ZCCHC24: variants seen among roughly 807,000 people sequenced by gnomAD.
The protein encoded by ZCCHC24 is zinc finger CCHC domain-containing protein 24.
ZCCHC24 carries 10 observed loss-of-function variants against 26.2 expected under a neutral mutation model. The observed-to-expected ratio is 0.38, with a 90% CI of 0.24 to 0.65. The LOEUF (loss-of-function observed/expected upper bound fraction) is 0.65, where lower values mean the gene tolerates loss of function less well. Ranked by LOEUF, ZCCHC24 falls within the 30% of genes least tolerant of loss-of-function variation. The pLI is 0.54. For synonymous variants in ZCCHC24, 144 were observed against 147.1 expected (o/e 0.98, Z 0.15); for missense variants, 243 against 329.1 (o/e 0.74, Z 2.03).
chr10:79,427,925 AAAG>A (rs1478368044), intron 2 of ZCCHC24, among the ~76,000 whole-genome samples: 9 of 152,332 alleles, frequency 5.9e-5, no homozygotes, highest in Non-Finnish European at 1.2e-4. Context: ...AAGGAAAAGA[AAAG>A]AAGGATATAA....
intron 2 of ZCCHC24, among the ~76,000 whole-genome samples, chr10:79,399,099 T>C (rs1407370109): frequency 6.6e-6 from 1 of 152,112 alleles, no homozygotes; most frequent in Admixed American, 6.5e-5. Context: ...CAGTCCAGTG[T>C]CAGGCCTTGG....
rs61859930 is a variant in ZCCHC24 at position 79,386,022 on chromosome 10, G to A, written c.*323C>T. ...ATACAAGGCTGCTCACCCCAAAGAG[G>A]CTCTCAGAGGCGAGCCTGTGGGGAC... On this transcript the variant is annotated 3_prime_UTR_variant, in exon 4 of 4. Transcript: ENST00000372336. The A allele has an allele frequency of 1.9e-6, 1 of 514,162 alleles. No homozygotes were observed. The highest frequency in any genetic ancestry group is 2.9e-5 in the East Asian group (1 of 35,020). 31.8% of individuals were successfully genotyped at this position (514,162 alleles called of 1,614,324 possible).
intron 2 of ZCCHC24, among the ~76,000 whole-genome samples, chr10:79,430,755 T>C (rs1185349419): frequency 4.0e-5 from 6 of 151,710 alleles, no homozygotes; most frequent in Middle Eastern, 3.4e-3. Flanking sequence ...CCATTGCCTT[T>C]GGATATTGGT....
intron 1 of ZCCHC24, among the ~76,000 whole-genome samples, chr10:79,439,412 G>C (rs1564642402): frequency 6.6e-6 from 1 of 152,052 alleles, no homozygotes; most frequent in Non-Finnish European, 1.5e-5. Flanking sequence ...ATGCTCACAA[G>C]TCAGGAGGTG....
chr10:79,398,798 G>A (rs919250557), intron 2 of ZCCHC24, among the ~76,000 whole-genome samples: 3 of 152,152 alleles, frequency 2.0e-5, no homozygotes, highest in Non-Finnish European at 2.9e-5. Flanking sequence ...TCCACAGCCC[G>A]TCAGACCCCC....
chr10:79,405,371 C>G (rs1160807164), intron 2 of ZCCHC24, among the ~76,000 whole-genome samples: 1 of 152,230 alleles, frequency 6.6e-6, no homozygotes, highest in Non-Finnish European at 1.5e-5. Context: ...CCTTTGGCAG[C>G]TGGAGGGGAC....
intron 3 of ZCCHC24, among the ~76,000 whole-genome samples, chr10:79,389,528 T>TTGTGTGTGTG (rs1564631249): frequency 6.1e-5 from 4 of 65,198 alleles, no homozygotes; most frequent in African/African-American, 2.5e-4. Flanking sequence ...GACTTTTTCC[T>TTGTGTGTGTG]AGTGTGTGTG....
chr10:79,428,682 T>TA (rs1264470162), intron 2 of ZCCHC24, among the ~76,000 whole-genome samples: 1 of 152,082 alleles, frequency 6.6e-6, no homozygotes, highest in Non-Finnish European at 1.5e-5. Context: ...GAAAATCAGC[T>TA]AAACCAAAAG....
At chr10:79,393,210 C>T (rs1316510791) in intron 3 of ZCCHC24, among the ~76,000 whole-genome samples, 2 of 152,264 alleles carry the variant, frequency 1.3e-5, no homozygotes, top group South Asian at 2.1e-4. Flanking sequence ...GCCATCTTGA[C>T]TTCTCACATG....
At chr10:79,402,518 G>T (rs866614626) in intron 2 of ZCCHC24, among the ~76,000 whole-genome samples, 1 of 152,146 alleles carries the variant, frequency 6.6e-6, no homozygotes, top group Non-Finnish European at 1.5e-5. Context: ...CTTGTGATAC[G>T]CCCGCCTCGG....
chr10:79,423,585 A>ATATATATAT (rs1779565837), intron 2 of ZCCHC24, among the ~76,000 whole-genome samples: 1 of 89,438 alleles, frequency 1.1e-5, no homozygotes, highest in African/African-American at 4.0e-5. Flanking sequence ...TATATACTAT[A>ATATATATAT]TATATATATA....
intron 2 of ZCCHC24, among the ~76,000 whole-genome samples, chr10:79,401,437 T>C (rs1255654204): frequency 6.6e-6 from 1 of 152,234 alleles, no homozygotes; most frequent in African/African-American, 2.4e-5. Flanking sequence ...AGAGGTTACA[T>C]GGCTTGCCCA....
chr10:79,444,568 G>T (rs1857335251), intron 1 of ZCCHC24, among the ~76,000 whole-genome samples: 1 of 152,192 alleles, frequency 6.6e-6, no homozygotes, highest in South Asian at 2.1e-4. Context: ...AGTCTGTGGG[G>T]TCAAGCCCTC....
intron 2 of ZCCHC24, among the ~76,000 whole-genome samples, chr10:79,419,918 A>G (rs1487518756): frequency 6.6e-6 from 1 of 152,012 alleles, no homozygotes; most frequent in Non-Finnish European, 1.5e-5. Context: ...ACTCCTAATT[A>G]TCATCTGCAA....
chr10:79,414,575 T>C (rs1455974730), intron 2 of ZCCHC24, among the ~76,000 whole-genome samples: 1 of 152,168 alleles, frequency 6.6e-6, no homozygotes, highest in Non-Finnish European at 1.5e-5. Flanking sequence ...GGAATGTTCA[T>C]TTGGGAGTCT....
At chr10:79,416,902 G>T (rs1368652580) in intron 2 of ZCCHC24, among the ~76,000 whole-genome samples, 1 of 152,146 alleles carries the variant, frequency 6.6e-6, no homozygotes. Flanking sequence ...CACAGTGAGC[G>T]CTCCCTGTGC....
chr10:79,400,133 T>C (rs1382431377), intron 2 of ZCCHC24, among the ~76,000 whole-genome samples: 1 of 152,210 alleles, frequency 6.6e-6, no homozygotes, highest in Non-Finnish European at 1.5e-5. Flanking sequence ...TATATTTTCC[T>C]ACTGTATTTC....
At chr10:79,389,356 T>C (rs1031975840) in intron 3 of ZCCHC24, among the ~76,000 whole-genome samples, 6 of 152,220 alleles carry the variant, frequency 3.9e-5, no homozygotes, top group African/African-American at 1.4e-4. Flanking sequence ...TGGTGTCTTC[T>C]GCAACGTCTC....
At chr10:79,389,183 C>T (rs7070039) in intron 3 of ZCCHC24, among the ~76,000 whole-genome samples, 65,182 of 152,098 alleles carry the variant, frequency 0.43, 14,932 homozygotes, top group East Asian at 0.76. Flanking sequence ...AATTCACTGG[C>T]ACCTGCCAGC....
Sources: allele counts gnomAD v4.1 joint callset (sites outside exome capture counted in the v4.1 genomes callset), GRCh38; gene constraint gnomAD v4.1.1; transcripts MANE v1.5; gene names NCBI Gene and HGNC (gene_info 2026-07-23, HGNC 2026-07-21).